RELN: variants seen among roughly 807,000 people sequenced by gnomAD.
The protein encoded by RELN is reelin.
Under a neutral mutation model 427.6 loss-of-function variants are expected in RELN, and 108 were observed. The observed-to-expected ratio is 0.25, with a 90% CI of 0.22 to 0.30. The LOEUF is 0.30. RELN is among the 10% of genes least tolerant of loss of function. RELN has a pLI of 1.00. For missense variants in RELN, 3,715 were observed against 4,302.8 expected, an observed-to-expected ratio of 0.86 and a Z score of 3.82; for synonymous variants, 1,524 against 1,513.4, an observed-to-expected ratio of 1.01 and a Z score of -0.16.
chr7:103,860,493 A>T (rs1794047131), intron 2 of RELN, among the ~76,000 whole-genome samples: 1 of 152,150 alleles, frequency 6.6e-6, no homozygotes, highest in Middle Eastern at 3.2e-3. Flanking sequence ...ATTAGGCTAA[A>T]AATAATAATA....
At chr7:103,943,579 G>A (rs1165576092) in intron 1 of RELN, among the ~76,000 whole-genome samples, 1 of 152,066 alleles carries the variant, frequency 6.6e-6, no homozygotes, top group Non-Finnish European at 1.5e-5. Flanking sequence ...GGCCAGGCAC[G>A]GTGGGTCCCG....
chr7:103,872,040 T>C (rs1290344348), intron 2 of RELN, among the ~76,000 whole-genome samples: 6 of 104,854 alleles, frequency 5.7e-5, no homozygotes, highest in East Asian at 2.7e-4. Flanking sequence ...ATTTTTCTTT[T>C]TTCTTTTTTT....
intron 7 of RELN, among the ~76,000 whole-genome samples, chr7:103,724,502 G>A (rs540806927): frequency 3.7e-4 from 57 of 152,294 alleles, no homozygotes; most frequent in African/African-American, 1.4e-3. Flanking sequence ...TACTGCTAGT[G>A]CATTAAATGT....
At chr7:103,945,169 G>A (rs1275421927) in intron 1 of RELN, among the ~76,000 whole-genome samples, 1 of 152,060 alleles carries the variant, frequency 6.6e-6, no homozygotes, top group African/African-American at 2.4e-5. Context: ...GCTCCCAGAG[G>A]GAGCTCTCAA....
Position 103,566,739 on chromosome 7 carries a change from T to C in RELN, c.4609A>G (p.Asn1537Asp), listed in dbSNP as rs753346658. Residue 1537 changes from asparagine to aspartate, a missense_variant, in exon 32 of 65, where the codon AAT becomes GAT. Transcript: ENST00000428762. Reference protein sequence around the residue: ...RNEGLIVQYSNDNGILWHLLR... With the variant: ...RNEGLIVQYSDDNGILWHLLR... ...AAATGCCAGAGTATCCCATTGTCATTTGAATACTGAACAATAAGCCCTGAG... is the reference window on the plus strand; with the variant it reads ...AAATGCCAGAGTATCCCATTGTCATCTGAATACTGAACAATAAGCCCTGAG... The C allele has an allele frequency of 1.2e-6, 2 of 1,614,122 alleles. No individual in the cohort carries two copies.
intron 11 of RELN, among the ~76,000 whole-genome samples, chr7:103,667,404 A>T (rs1389713252): frequency 6.6e-6 from 1 of 152,188 alleles, no homozygotes; most frequent in Non-Finnish European, 1.5e-5. Context: ...TCTGGTTATT[A>T]ACTTTTTTCT....
intron 2 of RELN, 32 bp downstream of exon 2, chr7:103,917,043 C>G (rs1474376593): frequency 3.4e-6 from 5 of 1,473,896 alleles, no homozygotes; most frequent in Non-Finnish European, 4.8e-6. Flanking sequence ...TATAAAATAC[C>G]CCCAAATTTC....
intron 8 of RELN, among the ~76,000 whole-genome samples, chr7:103,711,176 G>C (rs1350534670): frequency 6.6e-6 from 1 of 152,184 alleles, no homozygotes; most frequent in Non-Finnish European, 1.5e-5. Flanking sequence ...GATGTTTGTG[G>C]TACAGTCAAT....
chr7:103,603,870 C>T lies in RELN; in HGVS notation c.3147-380G>A, dbSNP rs1225230789. Among the ~76,000 whole-genome samples the T allele has an allele frequency of 2.0e-5, 3 of 152,098 alleles. No homozygotes were observed. The highest frequency in any genetic ancestry group is 4.8e-5 in the African/African-American group (2 of 41,402). ...CTGCTCAACCAACATATAATTCAGG[C>T]AACATTTTATAGTTCCTCTTTCTGA... On this transcript the variant is annotated intron_variant, in intron 23 of 64. Transcript: ENST00000428762. This position sits in a 1 kb window ranked among gnomAD's most constrained non-coding sequence, Gnocchi z 4.3.
At chr7:103,590,211 G>C (rs999500038) in intron 27 of RELN, among the ~76,000 whole-genome samples, 1 of 152,112 alleles carries the variant, frequency 6.6e-6, no homozygotes, top group Non-Finnish European at 1.5e-5. Flanking sequence ...CTTCAGTACA[G>C]GAAGGTTTCA....
chr7:103,925,263 T>C (rs904369397), intron 1 of RELN, among the ~76,000 whole-genome samples: 1 of 152,146 alleles, frequency 6.6e-6, no homozygotes, highest in Non-Finnish European at 1.5e-5. Flanking sequence ...TTTACAATTC[T>C]CTACCCATTT....
chr7:103,883,055 A>C (rs556996674), intron 2 of RELN, among the ~76,000 whole-genome samples: 18 of 152,178 alleles, frequency 1.2e-4, no homozygotes, highest in Non-Finnish European at 1.6e-4. Context: ...TTGACAAACC[A>C]AATCCAGCAG....
At chr7:103,489,142 G>T (rs945955257) in intron 60 of RELN, among the ~76,000 whole-genome samples, 1 of 151,868 alleles carries the variant, frequency 6.6e-6, no homozygotes, top group African/African-American at 2.4e-5. Context: ...CTCTGCCCTG[G>T]ATATATACTC....
intron 2 of RELN, among the ~76,000 whole-genome samples, chr7:103,907,144 G>A (rs138643595): frequency 2.0e-5 from 3 of 151,962 alleles, no homozygotes; most frequent in Non-Finnish European, 4.4e-5. Flanking sequence ...ACAGCCAGGC[G>A]CGGTGGCTCA....
chr7:103,611,679 G>A lies in RELN; in HGVS notation c.2827C>T (p.His943Tyr), dbSNP rs190615928. The A allele has an allele frequency of 2.5e-4, 403 of 1,613,800 alleles. 2 individuals carry two copies. Among genetic ancestry groups the A allele is most frequent in the South Asian group, 2.0e-4 (18 of 91,066 alleles). The change falls in exon 21 of 65, where the codon CAC becomes TAC. Residue 943 changes from histidine (H) to tyrosine (Y), a missense_variant. This residue lies in a region of RELN where 2,208 missense variants were observed against 2,361.7 expected (regional missense o/e 0.93). Transcript: ENST00000428762. ...VMGCGQKYTPHMDNQVKLEYS... is the reference protein window; with the variant it reads ...VMGCGQKYTPYMDNQVKLEYS... ...TCCAGCTTCACCTGGTTGTCCATGT[G>A]TGGGGTGTATTTCTGGCCACATCCC...
At chr7:103,802,457 G>A (rs947035295) in intron 3 of RELN, among the ~76,000 whole-genome samples, 18 of 152,042 alleles carry the variant, frequency 1.2e-4, no homozygotes, top group Admixed American at 1.2e-3. Context: ...TGCCCTAATT[G>A]GCCTTTTTTG....
chr7:103,557,324 G>C (rs111534470), intron 37 of RELN, among the ~76,000 whole-genome samples, 165 bp from the exon 38 acceptor site: 6 of 152,262 alleles, frequency 3.9e-5, no homozygotes, highest in African/African-American at 1.4e-4. Context: ...GACAGGTTGG[G>C]CTTTCTGTAT....
intron 4 of RELN, among the ~76,000 whole-genome samples, chr7:103,773,426 CCTCTCTCT>C (rs60313039): frequency 1.1e-4 from 5 of 46,324 alleles, no homozygotes; most frequent in Admixed American, 5.1e-4. Flanking sequence ...TCCCTCGCTC[CCTCTCTCT>C]CTCTCTCTCT....
intron 2 of RELN, among the ~76,000 whole-genome samples, chr7:103,873,626 G>A (rs796500909): frequency 1.7e-5 from 2 of 114,376 alleles, no homozygotes; most frequent in East Asian, 2.8e-4. Context: ...TAAATTCCTC[G>A]ACACATACAC....
Sources: gnomAD v4.1 joint callset for allele counts (sites outside exome capture counted in the v4.1 genomes callset) on GRCh38, gnomAD v4.1.1 for gene constraint, gnomAD v4.1.1 regional missense constraint, Gnocchi (gnomAD v3.1) non-coding constraint, MANE v1.5 for transcripts, NCBI Gene and HGNC (gene_info 2026-07-23, HGNC 2026-07-21) for gene names.